The following ZNF566 variants were observed in gnomAD, a reference collection of about 807,000 sequenced individuals.
ZNF566 encodes zinc finger protein 566.
In ZNF566, 27 loss-of-function variants were observed where a neutral mutation model predicts 32.8. That is an observed-to-expected ratio of 0.82 (90% CI 0.61 to 1.14). The LOEUF is 1.14. Ranked by LOEUF, ZNF566 falls within the 50% of genes most tolerant of loss-of-function variation. The pLI, the probability that ZNF566 is intolerant of heterozygous loss-of-function variation, is 0.00. For synonymous variants in ZNF566, 154 were observed against 159.5 expected (o/e 0.97, Z 0.26); for missense variants, 402 against 490.4 (o/e 0.82, Z 1.70).
intron 1 of ZNF566, among the ~76,000 whole-genome samples, chr19:36,486,329 G>T (rs1265858887): frequency 6.6e-6 from 1 of 152,082 alleles, no homozygotes. Context: ...TGCACTGTGG[G>T]CACCTGCAGA....
chr19:36,482,384 A>C (rs542211109), intron 1 of ZNF566, among the ~76,000 whole-genome samples: 1 of 150,324 alleles, frequency 6.7e-6, no homozygotes, highest in Non-Finnish European at 1.5e-5. Flanking sequence ...GGATTACAGG[A>C]GTGAGCCACT....
chr19:36,453,469 T>C (rs992262551), intron 4 of ZNF566, among the ~76,000 whole-genome samples: 4 of 139,348 alleles, frequency 2.9e-5, no homozygotes, highest in Non-Finnish European at 4.6e-5. Context: ...TGAGACTCTA[T>C]CTCAAATAAA....
chr19:36,472,951 G>A lies in ZNF566; in HGVS notation c.192C>T (p.Pro64=). 6.2e-7 allele frequency: 1 copy of A among 1,613,994 alleles called. No individual in the cohort carries two copies. The highest frequency in any genetic ancestry group is 2.2e-5 in the East Asian group (1 of 44,866). The change falls in exon 4 of 5, where the codon CCC becomes CCT. Residue 64 remains proline (P), a synonymous_variant. Transcript: ENST00000452939. ...TTGTTAGCTCTCTGTCAGCCAACCA[G>A]GGCTCCTTCCCTTGCTCCAAGTAGG... ...VISYLEQGKE[P]WLADRELTRG...
intron 4 of ZNF566, among the ~76,000 whole-genome samples, chr19:36,450,951 C>T (rs929450399): frequency 1.3e-5 from 2 of 152,152 alleles, no homozygotes; most frequent in African/African-American, 2.4e-5. Flanking sequence ...AGATATGCAT[C>T]GTCTAATACA....
At chr19:36,479,091 T>C (rs907795550) in intron 1 of ZNF566, among the ~76,000 whole-genome samples, 1 of 152,176 alleles carries the variant, frequency 6.6e-6, no homozygotes, top group Non-Finnish European at 1.5e-5. Context: ...CAGGCTAATG[T>C]ATGAGCTTGT....
At chr19:36,473,753 T>C (rs932657598) in intron 2 of ZNF566, among the ~76,000 whole-genome samples, 15 of 152,204 alleles carry the variant, frequency 9.9e-5, no homozygotes, top group Admixed American at 9.2e-4. Context: ...AATGAAATTG[T>C]ATATGCAATG....
chr19:36,477,167 C>A (rs1311817513), intron 1 of ZNF566, among the ~76,000 whole-genome samples: 1 of 151,606 alleles, frequency 6.6e-6, no homozygotes, highest in African/African-American at 2.4e-5. Flanking sequence ...TGTGCCACCA[C>A]GCCCGGCTAA....
chr19:36,453,792 T>C (rs558834481), intron 4 of ZNF566, among the ~76,000 whole-genome samples: 1 of 151,168 alleles, frequency 6.6e-6, no homozygotes, highest in South Asian at 2.1e-4. Flanking sequence ...CTCAACCTCC[T>C]GAGTAGCTGA....
intron 1 of ZNF566, among the ~76,000 whole-genome samples, chr19:36,485,638 T>G (rs1348487737): frequency 6.6e-6 from 1 of 151,164 alleles, no homozygotes; most frequent in African/African-American, 2.4e-5. Flanking sequence ...GGCAGGTGCG[T>G]GTAATCCCAG....
chr19:36,467,991 G>A (rs1483920875), intron 4 of ZNF566, among the ~76,000 whole-genome samples: 1 of 151,152 alleles, frequency 6.6e-6, no homozygotes, highest in Non-Finnish European at 1.5e-5. Flanking sequence ...TTCGAGAGCA[G>A]CCTGACCAAC....
rs1453413090 is a variant in ZNF566, at chr19:36,449,887, G to A, written c.347C>T (p.Ser116Phe). ...ACATTCCCAATCATCTCTGAAACTGGAGCACTGAAAATCACGTCTTGTGAG... is the reference window on the plus strand; with the variant it reads ...ACATTCCCAATCATCTCTGAAACTGAAGCACTGAAAATCACGTCTTGTGAG... ...EKLTRRDFQC[S>F]SFRDDWECNR... The change falls in exon 5 of 5, where the codon TCC becomes TTC. Residue 116 changes from serine to phenylalanine, a missense_variant. This residue lies in a region of ZNF566 where 220 missense variants were observed against 241.9 expected (regional missense o/e 0.91). Transcript: ENST00000452939. The A allele has an allele frequency of 8.1e-6, 13 of 1,614,066 alleles. No homozygotes were observed. Among genetic ancestry groups the A allele is most frequent in the Admixed American group, 1.7e-5 (1 of 60,008 alleles).
At chr19:36,455,820 CATG>C (rs989255449) in intron 4 of ZNF566, among the ~76,000 whole-genome samples, 7 of 151,822 alleles carry the variant, frequency 4.6e-5, no homozygotes, top group African/African-American at 1.5e-4. Context: ...GTGGGCGGAT[CATG>C]ATGTCAGGAG....
intron 4 of ZNF566, among the ~76,000 whole-genome samples, chr19:36,457,596 A>G (rs1351371856): frequency 2.0e-5 from 3 of 152,224 alleles, no homozygotes; most frequent in Non-Finnish European, 4.4e-5. Context: ...AACCACAATG[A>G]AATATCACCT....
At chr19:36,475,791 C>G (rs892756236) in intron 2 of ZNF566, among the ~76,000 whole-genome samples, 28 of 151,838 alleles carry the variant, frequency 1.8e-4, no homozygotes, top group African/African-American at 6.8e-4. Context: ...ACCCTGGAAA[C>G]CAGTGTAAAA....
intron 4 of ZNF566, 71 bp from the exon 5 acceptor site, chr19:36,450,072 G>T (rs2033112169): frequency 2.2e-6 from 3 of 1,349,074 alleles, no homozygotes; most frequent in Admixed American, 2.4e-5. Flanking sequence ...AATCAATATG[G>T]GAGAATTTAA....
At chr19:36,479,033 T>C in intron 1 of ZNF566, among the ~76,000 whole-genome samples, 1 of 152,180 alleles carries the variant, frequency 6.6e-6, no homozygotes. Flanking sequence ...AAAGTCTTTG[T>C]CTCTGATCCA....
chr19:36,479,594 A>G (rs897726655), intron 1 of ZNF566, among the ~76,000 whole-genome samples: 1 of 152,226 alleles, frequency 6.6e-6, no homozygotes, highest in African/African-American at 2.4e-5. Flanking sequence ...CATATGTACT[A>G]TAGATTGAAT....
chr19:36,466,422 T>C (rs2033614806), intron 4 of ZNF566, among the ~76,000 whole-genome samples: 1 of 152,180 alleles, frequency 6.6e-6, no homozygotes, highest in Non-Finnish European at 1.5e-5. Context: ...ACTGTGAGTC[T>C]CAACCTACTA....
At chr19:36,485,606 A>G (rs754219091) in intron 1 of ZNF566, among the ~76,000 whole-genome samples, 1 of 151,716 alleles carries the variant, frequency 6.6e-6, no homozygotes, top group Non-Finnish European at 1.5e-5. Flanking sequence ...TACTAAAAAT[A>G]CAAAAATCAG....
Sources: allele counts gnomAD v4.1 joint callset (sites outside exome capture counted in the v4.1 genomes callset), GRCh38; gene constraint gnomAD v4.1.1; regional missense constraint gnomAD v4.1.1; transcripts MANE v1.5; gene names NCBI Gene and HGNC (gene_info 2026-07-23, HGNC 2026-07-21).